The following ZCCHC14 variants were observed in gnomAD, a reference collection of about 807,000 sequenced individuals.
The protein encoded by ZCCHC14 is zinc finger CCHC domain-containing protein 14.
Under a neutral mutation model 85.0 loss-of-function variants are expected in ZCCHC14, and 16 were observed. The ratio of observed to expected loss-of-function variants is 0.19; its 90% CI spans 0.13 to 0.29. The LOEUF is 0.29. Among genes scored for constraint, ZCCHC14 ranks in the 10% least tolerant of loss-of-function variants. ZCCHC14 has a pLI of 1.00. For missense variants in ZCCHC14, 1,303 were observed against 1,443.5 expected (o/e 0.90, Z 1.58); for synonymous variants, 775 against 630.7 (o/e 1.23, Z -3.43).
intron 2 of ZCCHC14, among the ~76,000 whole-genome samples, chr16:87,453,252 G>C (rs1487910261): frequency 1.3e-5 from 2 of 152,210 alleles, no homozygotes; most frequent in Non-Finnish European, 2.9e-5. Flanking sequence ...CCACAGTCAT[G>C]GCAACAGCTC....
intron 1 of ZCCHC14, chr16:87,473,575 T>C (rs1038473041): frequency 6.6e-6 from 1 of 152,228 alleles, no homozygotes; most frequent in African/African-American, 2.4e-5. Context: ...GCCAGGAATA[T>C]GCTTAAATAC....
rs1358896266 is a variant in ZCCHC14 at position 87,409,761 on chromosome 16, C to T, written c.*519G>A. The T allele has an allele frequency of 6.5e-6, 1 of 152,720 alleles. No individual in the cohort carries two copies. Among genetic ancestry groups the T allele is most frequent in the Non-Finnish European group, 1.5e-5 (1 of 68,126 alleles). 9.5% of individuals were successfully genotyped at this position (152,720 alleles called of 1,614,324 possible). A position where few individuals can be genotyped will look rare whatever the true frequency, so the allele number is the denominator to read the frequency against. On this transcript the variant is annotated 3_prime_UTR_variant, in exon 13 of 13. Coordinates refer to ENST00000671377, the MANE Select transcript of ZCCHC14 (RefSeq NM_015144.3). ...TGGCTCCCAGAACCGCAGAGATTTA[C>T]ATCAGGGTACATTCTTCTGTAGTGC... is the stretch of plus-strand genomic sequence containing the variant.
At position 87,412,920 on chromosome 16, in the gene ZCCHC14, G is replaced by C. The variant is rs1291613772; in HGVS notation, c.1801C>G (p.His601Asp). 1 of 1,601,998 alleles carries C rather than the reference G, an allele frequency of 6.2e-7. No homozygotes were observed. Residue 601 changes from histidine to aspartate, a missense_variant, in exon 12 of 13, where the codon CAC becomes GAC. Physicochemically the swap from His to Asp is moderately conservative, Grantham distance 81. Transcript: ENST00000671377. ...GGTCTGGCGGAACTGGAAGTGAAGT[G>C]ATTCAGCAGCATCACCGGCTTCTCC... ...DKEKPVMLLN[H>D]FTSSSARPTA...
At chr16:87,466,186 C>T (rs1335141711) in intron 1 of ZCCHC14, among the ~76,000 whole-genome samples, 1 of 152,146 alleles carries the variant, frequency 6.6e-6, no homozygotes, top group African/African-American at 2.4e-5. Flanking sequence ...AAACCCAGCA[C>T]CACACAGGCT....
chr16:87,446,781 C>T (rs1567526910), intron 2 of ZCCHC14, among the ~76,000 whole-genome samples: 1 of 151,918 alleles, frequency 6.6e-6, no homozygotes, highest in African/African-American at 2.4e-5. Context: ...CCTCCACCTC[C>T]CAAGCAATTC....
intron 10 of ZCCHC14, among the ~76,000 whole-genome samples, chr16:87,413,514 C>CCGGCCGAGTCACGGAGATCTTT (rs1395008859): frequency 6.6e-6 from 1 of 152,162 alleles, no homozygotes; most frequent in Non-Finnish European, 1.5e-5. Context: ...TCTCACGAGG[C>CCGGCCGAGTCACGGAGATCTTT]CGGCCGAGTC....
At position 87,411,943 on chromosome 16, in the gene ZCCHC14, C is replaced by T. The variant is rs1363799493; in HGVS notation, c.2778G>A (p.Thr926=). Residue 926 remains threonine, a synonymous_variant, in exon 12 of 13, where the codon ACG becomes ACA. Transcript: ENST00000671377. ...APPPPGCIVC[T]SCGCSGSCGS... ...CGCAGCTGCCGCTGCAGCCACAGGA[C>T]GTGCACACAATGCAGCCTGGCGGGG... is the stretch of plus-strand genomic sequence containing the variant. 10 of 1,606,660 alleles carry T rather than the reference C, an allele frequency of 6.2e-6. No homozygotes were observed. The highest frequency in any genetic ancestry group is 3.3e-5 in the South Asian group (3 of 90,452).
intron 2 of ZCCHC14, among the ~76,000 whole-genome samples, chr16:87,458,100 GAAA>G (rs10712790): frequency 6.9e-6 from 1 of 144,802 alleles, no homozygotes. Flanking sequence ...AAATTATACA[GAAA>G]AAAAAAAAAA....
intron 2 of ZCCHC14, among the ~76,000 whole-genome samples, chr16:87,457,525 G>C (rs1911035630): frequency 6.6e-6 from 1 of 152,192 alleles, no homozygotes. Flanking sequence ...GTCAGTATCT[G>C]TCATGTAAGT....
intron 1 of ZCCHC14, among the ~76,000 whole-genome samples, chr16:87,480,566 G>A (rs952877419): frequency 6.6e-6 from 1 of 152,190 alleles, no homozygotes; most frequent in African/African-American, 2.4e-5. Flanking sequence ...AGTGACTACT[G>A]TGGCCACTGA....
chr16:87,418,543 G>A (rs983749822), intron 7 of ZCCHC14, among the ~76,000 whole-genome samples: 1 of 152,212 alleles, frequency 6.6e-6, no homozygotes, highest in Non-Finnish European at 1.5e-5. Flanking sequence ...TCAGGAGCAC[G>A]ACCCTATGCT....
Position 87,446,897 on chromosome 16 carries a change from C to A in ZCCHC14, c.694+13111G>T, listed in dbSNP as rs147133009. ...GACGGGGGTTTCACCATGTTGGCCA[C>A]GCTGGTCTTGAACTCCTGACCTCAG... On this transcript the variant is annotated intron_variant, in intron 2 of 12. Transcript: ENST00000671377. Among the ~76,000 whole-genome samples, 3 of 152,030 alleles carry A rather than the reference C, an allele frequency of 2.0e-5. No individual in the cohort carries two copies. In the East Asian group the frequency reaches 5.8e-4, roughly 29 times the overall value.
intron 1 of ZCCHC14, among the ~76,000 whole-genome samples, chr16:87,483,214 T>G (rs1364754133): frequency 1.4e-5 from 2 of 146,106 alleles, no homozygotes; most frequent in Non-Finnish European, 3.0e-5. Context: ...TCCCAGCACT[T>G]TGGGAGGCCG....
intron 2 of ZCCHC14, among the ~76,000 whole-genome samples, chr16:87,438,789 C>A (rs983258799): frequency 2.0e-5 from 3 of 152,200 alleles, no homozygotes; most frequent in African/African-American, 7.2e-5. Context: ...CCACCGTCGG[C>A]ACTGCCCCGG....
At chr16:87,449,869 AC>A (rs1910612732) in intron 2 of ZCCHC14, among the ~76,000 whole-genome samples, 1 of 152,104 alleles carries the variant, frequency 6.6e-6, no homozygotes, top group African/African-American at 2.4e-5. Flanking sequence ...ACATGGCAAA[AC>A]CCTGTCTCTA....
chr16:87,412,930 C>T lies in ZCCHC14; in HGVS notation c.1791G>A (p.Met597Ile). 1.2e-6 allele frequency: 2 copies of T among 1,602,636 alleles called. No individual in the cohort carries two copies. The highest frequency in any genetic ancestry group is 2.2e-5 in the South Asian group (2 of 89,088). ...AACTGGAAGTGAAGTGATTCAGCAG[C>T]ATCACCGGCTTCTCCTTGTCAGAGC... ...LESSDKEKPV[M>I]LLNHFTSSSA... is the part of the protein sequence containing the mutation. Residue 597 changes from methionine (M) to isoleucine (I), a missense_variant, in exon 12 of 13, where the codon ATG becomes ATA. Transcript: ENST00000671377.
intron 2 of ZCCHC14, among the ~76,000 whole-genome samples, chr16:87,451,001 C>G (rs1021049720): frequency 6.6e-6 from 1 of 152,022 alleles, no homozygotes; most frequent in Admixed American, 6.6e-5. Context: ...TGGGTTCAAG[C>G]GATTCTCCTG....
intron 2 of ZCCHC14, among the ~76,000 whole-genome samples, chr16:87,434,386 G>C (rs1426064344): frequency 6.6e-6 from 1 of 152,070 alleles, no homozygotes; most frequent in Admixed American, 6.5e-5. Context: ...CAGGCGCCAG[G>C]AGCCCCACGC....
In ZCCHC14 at chr16:87,417,535, A is replaced by G; in HGVS notation, c.1308T>C (p.Asn436=). The G allele has an allele frequency of 6.2e-7, 1 of 1,614,264 alleles. No homozygotes were observed. The highest frequency in any genetic ancestry group is 8.5e-7 in the Non-Finnish European group (1 of 1,180,056). ...SLQTPQTQEQ[N]GILDWLRKLR... ...GTTTCCTAAGCCAGTCTAGAATCCC[A>G]TTCTGCTCCTGGGTCTGAGGGGTCT... is the stretch of plus-strand genomic sequence containing the variant. The change falls in exon 8 of 13, where the codon AAT becomes AAC. Residue 436 remains asparagine (N), a synonymous_variant. Transcript: ENST00000671377.
Sources: gnomAD v4.1 joint callset for allele counts (sites outside exome capture counted in the v4.1 genomes callset) on GRCh38, gnomAD v4.1.1 for gene constraint, MANE v1.5 for transcripts, NCBI Gene and HGNC (gene_info 2026-07-23, HGNC 2026-07-21) for gene names.